LRBA: variants seen among roughly 807,000 people sequenced by gnomAD.
LRBA encodes lipopolysaccharide-responsive and beige-like anchor protein.
LRBA carries 176 observed loss-of-function variants against 330.0 expected under a neutral mutation model. That is an observed-to-expected ratio of 0.53 (90% confidence interval 0.47 to 0.60). The LOEUF (loss-of-function observed/expected upper bound fraction) is 0.60, where lower values mean the gene tolerates loss of function less well. Among genes scored for constraint, LRBA ranks in the 20% least tolerant of loss-of-function variants. The pLI is 0.00. For synonymous variants in LRBA, 1,230 were observed against 1,193.0 expected (o/e 1.03, Z -0.64); for missense variants, 3,259 against 3,444.8 (o/e 0.95, Z 1.35).
At chr4:150,868,933 G>C (rs1753079059) in intron 20 of LRBA, among the ~76,000 whole-genome samples, 1 of 151,770 alleles carries the variant, frequency 6.6e-6, no homozygotes, top group African/African-American at 2.4e-5. Context: ...GCAAGACTCT[G>C]TCTCAAAAAA....
At chr4:150,845,405 CAGT>C (rs1749712904) in intron 26 of LRBA, among the ~76,000 whole-genome samples, 3 of 152,116 alleles carry the variant, frequency 2.0e-5, no homozygotes, top group Admixed American at 6.5e-5. Flanking sequence ...GATTAATATA[CAGT>C]CTAAAATTAC....
intron 40 of LRBA, among the ~76,000 whole-genome samples, chr4:150,561,084 C>T (rs1768271922): frequency 6.6e-6 from 1 of 152,130 alleles, no homozygotes; most frequent in South Asian, 2.1e-4. Flanking sequence ...AAACATAATT[C>T]TTTCTGAGAA....
At chr4:150,538,744 T>C (rs1024078322) in intron 40 of LRBA, among the ~76,000 whole-genome samples, 1 of 150,836 alleles carries the variant, frequency 6.6e-6, no homozygotes, top group Non-Finnish European at 1.5e-5. Context: ...AATGATTGCT[T>C]GAGCCCAGGC....
chr4:150,873,078 C>T (rs1257645632), intron 17 of LRBA, among the ~76,000 whole-genome samples: 1 of 152,036 alleles, frequency 6.6e-6, no homozygotes, highest in Non-Finnish European at 1.5e-5. Context: ...AGGTTACCAA[C>T]TTGTTATTTT....
intron 2 of LRBA, among the ~76,000 whole-genome samples, chr4:150,967,041 A>C (rs1579348667): frequency 6.6e-6 from 1 of 152,222 alleles, no homozygotes; most frequent in African/African-American, 2.4e-5. Context: ...TAAACTTAAA[A>C]TATCAAGTAA....
At chr4:151,009,016 TATATATATATAA>T (rs1276669462) in intron 2 of LRBA, among the ~76,000 whole-genome samples, 2,658 of 32,396 alleles carry the variant, frequency 0.082, 837 homozygotes, top group Non-Finnish European at 0.12. Context: ...TATATATATA[TATATATATATAA>T]AATGGTATTT....
intron 37 of LRBA, among the ~76,000 whole-genome samples, chr4:150,638,042 T>G (rs528853976): frequency 6.6e-6 from 1 of 152,254 alleles, no homozygotes; most frequent in South Asian, 2.1e-4. Flanking sequence ...TGGGGCATAC[T>G]AGCATCCTAC....
At chr4:150,515,623 A>C (rs1762259683) in intron 40 of LRBA, among the ~76,000 whole-genome samples, 1 of 152,138 alleles carries the variant, frequency 6.6e-6, no homozygotes, top group Non-Finnish European at 1.5e-5. Flanking sequence ...AGTTGTAATA[A>C]ATGAAATAAT....
At chr4:150,952,390 T>C (rs1357789009) in intron 2 of LRBA, among the ~76,000 whole-genome samples, 1 of 152,134 alleles carries the variant, frequency 6.6e-6, no homozygotes, top group Non-Finnish European at 1.5e-5. Flanking sequence ...CAATAAACTA[T>C]TAACAATGGC....
chr4:150,527,323 C>T (rs62344738), intron 40 of LRBA, among the ~76,000 whole-genome samples: 55,139 of 151,972 alleles, frequency 0.36, 11,186 homozygotes, highest in Non-Finnish European at 0.47. Context: ...CTGGCTGAAC[C>T]AAGGACATAA....
At chr4:150,521,553 C>T (rs758943797) in intron 40 of LRBA, among the ~76,000 whole-genome samples, 1 of 152,156 alleles carries the variant, frequency 6.6e-6, no homozygotes, top group Non-Finnish European at 1.5e-5. Flanking sequence ...GGGTACCCAG[C>T]CTCTATTTTC....
chr4:150,855,607 C>T (rs1751131446), intron 22 of LRBA, among the ~76,000 whole-genome samples: 1 of 151,988 alleles, frequency 6.6e-6, no homozygotes. Context: ...TAAAACGTTA[C>T]CAGTACCTCA....
intron 22 of LRBA, among the ~76,000 whole-genome samples, chr4:150,865,271 A>G (rs1752522729): frequency 6.6e-6 from 1 of 152,250 alleles, no homozygotes; most frequent in Non-Finnish European, 1.5e-5. Context: ...AGCACAAACT[A>G]AAGTTACAGA....
intron 40 of LRBA, among the ~76,000 whole-genome samples, chr4:150,557,501 T>G (rs893820243): frequency 5.9e-5 from 9 of 152,086 alleles, no homozygotes; most frequent in Admixed American, 2.0e-4. Flanking sequence ...CTTTTTTTTT[T>G]TTTTCTTGTC....
chr4:150,399,980 A>T (rs376295451), intron 47 of LRBA, among the ~76,000 whole-genome samples: 1 of 151,284 alleles, frequency 6.6e-6, no homozygotes, highest in Non-Finnish European at 1.5e-5. Flanking sequence ...TGTCAATCAA[A>T]CAATCAATCA....
chr4:150,844,894 G>T (rs1467117741), intron 26 of LRBA, 115 bp from the exon 27 acceptor site: 2 of 834,538 alleles, frequency 2.4e-6, no homozygotes, highest in Non-Finnish European at 3.7e-6. Flanking sequence ...CAAAACAGAC[G>T]ACATTCAGCT....
At chr4:150,584,292 T>A in intron 40 of LRBA, 1 of 562,222 alleles carries the variant, frequency 1.8e-6, no homozygotes, top group African/African-American at 1.9e-5. Flanking sequence ...CCAAAACAAA[T>A]CACATTCTTG....
intron 2 of LRBA, among the ~76,000 whole-genome samples, chr4:150,945,587 T>G (rs960638945): frequency 6.6e-6 from 1 of 152,232 alleles, no homozygotes; most frequent in Non-Finnish European, 1.5e-5. Flanking sequence ...TGCCCACTTA[T>G]GCACTGCTTC....
chr4:150,277,418 T>TA (rs1156458109), intron 56 of LRBA, among the ~76,000 whole-genome samples: 4 of 151,858 alleles, frequency 2.6e-5, no homozygotes, highest in African/African-American at 7.3e-5. Flanking sequence ...AAGGTATAAT[T>TA]TAAAAAAAGA....
Sources: allele counts gnomAD v4.1 joint callset (sites outside exome capture counted in the v4.1 genomes callset), GRCh38; gene constraint gnomAD v4.1.1; transcripts MANE v1.5; gene names NCBI Gene and HGNC (gene_info 2026-07-23, HGNC 2026-07-21).